RASSF3: variants seen among roughly 807,000 people sequenced by gnomAD.
The protein encoded by RASSF3 is Ras association domain family member 3.
In RASSF3, 19 loss-of-function variants were observed where a neutral mutation model predicts 19.9. The ratio of observed to expected loss-of-function variants is 0.96; its 90% CI spans 0.67 to 1.40. RASSF3 has a LOEUF of 1.40. Among genes scored for constraint, RASSF3 ranks in the 40% most tolerant of loss-of-function variants. The pLI, the probability that RASSF3 is intolerant of heterozygous loss-of-function variation, is 0.00. For missense variants in RASSF3, 306 were observed against 289.8 expected, an observed-to-expected ratio of 1.06 and a Z score of -0.41; for synonymous variants, 110 against 104.2, an observed-to-expected ratio of 1.06 and a Z score of -0.34.
chr12:64,624,754 G>A (rs1272708265), intron 1 of RASSF3, among the ~76,000 whole-genome samples: 1 of 152,126 alleles, frequency 6.6e-6, no homozygotes, highest in East Asian at 1.9e-4. Context: ...CTGCCTCCTG[G>A]GTTATGCCAT....
intron 2 of RASSF3, among the ~76,000 whole-genome samples, chr12:64,600,391 A>G (rs2136145313): frequency 6.6e-6 from 1 of 152,272 alleles, no homozygotes; most frequent in East Asian, 1.9e-4. Context: ...ACATGAATAA[A>G]CTAGTACTTT....
intron 1 of RASSF3, among the ~76,000 whole-genome samples, chr12:64,677,073 T>C (rs1335904143): frequency 6.6e-6 from 1 of 151,990 alleles, no homozygotes; most frequent in Non-Finnish European, 1.5e-5. Flanking sequence ...TGGCCTGGAG[T>C]ATTGCTCTAG....
At chr12:64,638,562 A>G (rs1871404528) in intron 1 of RASSF3, among the ~76,000 whole-genome samples, 1 of 149,120 alleles carries the variant, frequency 6.7e-6, no homozygotes, top group African/African-American at 2.5e-5. Flanking sequence ...CCTGGGCGAC[A>G]GAGTGAGACT....
intron 1 of RASSF3, among the ~76,000 whole-genome samples, chr12:64,647,412 C>CTTT (rs10633120): frequency 3.9e-4 from 53 of 136,896 alleles, no homozygotes; most frequent in Middle Eastern, 7.9e-3. Flanking sequence ...ATTTTTTTTT[C>CTTT]TTTTTTTTTT....
At chr12:64,539,563 C>A (rs1868899879) in intron 1 of RASSF3, among the ~76,000 whole-genome samples, 5 of 152,008 alleles carry the variant, frequency 3.3e-5, no homozygotes, top group Non-Finnish European at 7.4e-5. Flanking sequence ...ATCACTTGAG[C>A]CCAGGAGTTC....
intron 1 of RASSF3, among the ~76,000 whole-genome samples, chr12:64,674,396 C>A (rs1015944277): frequency 1.3e-5 from 2 of 152,114 alleles, no homozygotes; most frequent in African/African-American, 4.8e-5. Context: ...TAAGGTAGTT[C>A]CAGCACAGTA....
At chr12:64,555,506 T>C (rs1157256304) in intron 2 of RASSF3, among the ~76,000 whole-genome samples, 2 of 152,208 alleles carry the variant, frequency 1.3e-5, no homozygotes, top group East Asian at 3.9e-4. Context: ...TCCCAGGACT[T>C]TGGGAGGCCG....
At chr12:64,513,653 A>C (rs1028609651) in intron 1 of RASSF3, among the ~76,000 whole-genome samples, 1 of 152,096 alleles carries the variant, frequency 6.6e-6, no homozygotes, top group Non-Finnish European at 1.5e-5. Flanking sequence ...AGATATGCAC[A>C]TTATTACTGA....
chr12:64,566,687 T>A (rs116481415), intron 2 of RASSF3, among the ~76,000 whole-genome samples: 3 of 151,976 alleles, frequency 2.0e-5, no homozygotes, highest in Admixed American at 2.0e-4. Context: ...TGCTCGGGAA[T>A]TTTCATAGCT....
chr12:64,593,772 A>T (rs1173231295), intron 2 of RASSF3, among the ~76,000 whole-genome samples: 1 of 151,844 alleles, frequency 6.6e-6, no homozygotes, highest in Non-Finnish European at 1.5e-5. Flanking sequence ...TTGAAGGGTC[A>T]TGGGGCAAGC....
intron 3 of RASSF3, 89 bp downstream of exon 3, chr12:64,688,542 C>G: frequency 1.1e-6 from 1 of 945,494 alleles, no homozygotes; most frequent in Non-Finnish European, 1.7e-6. Context: ...TGGGTCTCAT[C>G]CATGTCAGTT....
At chr12:64,518,919 G>A (rs1565830952) in intron 1 of RASSF3, among the ~76,000 whole-genome samples, 1 of 152,196 alleles carries the variant, frequency 6.6e-6, no homozygotes, top group East Asian at 1.9e-4. Flanking sequence ...AGACACAACA[G>A]TGTGATGGGG....
downstream of RASSF3, among the ~76,000 whole-genome samples, chr12:64,542,922 G>A (rs1054376354): frequency 6.6e-6 from 1 of 152,178 alleles, no homozygotes; most frequent in Non-Finnish European, 1.5e-5. Context: ...TCTGCAGGGA[G>A]GTGTGGAGGG....
At chr12:64,684,467 G>A (rs1297714763) in intron 1 of RASSF3, among the ~76,000 whole-genome samples, 2 of 122,474 alleles carry the variant, frequency 1.6e-5, no homozygotes, top group Non-Finnish European at 3.3e-5. Flanking sequence ...TTTTGCTCTT[G>A]TTGCCCAGGC....
intron 1 of RASSF3, among the ~76,000 whole-genome samples, chr12:64,668,614 A>C (rs1432113376): frequency 6.6e-6 from 1 of 151,690 alleles, no homozygotes; most frequent in Non-Finnish European, 1.5e-5. Flanking sequence ...GGCACCTCAG[A>C]AAACATGGTG....
chr12:64,657,586 G>T (rs940723900), intron 1 of RASSF3, among the ~76,000 whole-genome samples: 7 of 152,190 alleles, frequency 4.6e-5, no homozygotes, highest in African/African-American at 1.7e-4. Context: ...CCTTCTGAGT[G>T]TGAGGAGGAT....
intron 1 of RASSF3, among the ~76,000 whole-genome samples, chr12:64,683,827 T>G (rs1319971950): frequency 6.6e-6 from 1 of 152,168 alleles, no homozygotes; most frequent in Admixed American, 6.5e-5. Flanking sequence ...TTTTGCAGAA[T>G]ATATTGGTAA....
intron 1 of RASSF3, 63 bp from the exon 2 acceptor site, chr12:64,684,723 GC>G: frequency 9.1e-7 from 1 of 1,102,806 alleles, no homozygotes; most frequent in Non-Finnish European, 1.4e-6. Context: ...GAGCCACTGC[GC>G]CCGGCCTATC....
chr12:64,602,744 A>G (rs946840540), intron 2 of RASSF3, among the ~76,000 whole-genome samples: 1 of 152,032 alleles, frequency 6.6e-6, no homozygotes, highest in East Asian at 1.9e-4. Context: ...AGAAAGAAAG[A>G]AAGAGAAAAC....
Sources: gnomAD v4.1 joint callset for allele counts (sites outside exome capture counted in the v4.1 genomes callset) on GRCh38, gnomAD v4.1.1 for gene constraint, MANE v1.5 for transcripts, NCBI Gene and HGNC (gene_info 2026-07-23, HGNC 2026-07-21) for gene names.